The following NRG1 variants were observed in gnomAD, a reference collection of about 807,000 sequenced individuals.
The protein encoded by NRG1 is neuregulin 1, also known as pro-neuregulin-1, membrane-bound isoform.
NRG1 carries 18 observed loss-of-function variants against 63.8 expected under a neutral mutation model. The observed-to-expected ratio is 0.28, with a 90% confidence interval of 0.19 to 0.42. NRG1 has a LOEUF of 0.42. Among genes scored for constraint, NRG1 ranks in the 10% least tolerant of loss-of-function variants. The pLI is 1.00. For missense variants in NRG1, 762 were observed against 814.7 expected, an observed-to-expected ratio of 0.94 and a Z score of 0.79; for synonymous variants, 302 against 301.3, an observed-to-expected ratio of 1.00 and a Z score of -0.02.
chr8:32,368,311 G>A (rs1808353726), intron 1 of NRG1, among the ~76,000 whole-genome samples: 1 of 152,170 alleles, frequency 6.6e-6, no homozygotes, highest in African/African-American at 2.4e-5. Flanking sequence ...GCTCATGCCT[G>A]TAATCCCATT....
chr8:31,995,583 C>G (rs1015624230), intron 1 of NRG1, among the ~76,000 whole-genome samples: 1 of 151,916 alleles, frequency 6.6e-6, no homozygotes, highest in Non-Finnish European at 1.5e-5. Context: ...TAGAGACTGT[C>G]TCTGAAAGTG....
intron 11 of NRG1, among the ~76,000 whole-genome samples, chr8:32,763,063 G>A (rs1831005188): frequency 6.6e-6 from 1 of 152,122 alleles, no homozygotes; most frequent in Non-Finnish European, 1.5e-5. Context: ...GTTCTCTCAG[G>A]CTTACCTTTG....
rs997840292 is a variant in NRG1, at chr8:32,510,119, A to C, written c.38-85709A>C. Among the ~76,000 whole-genome samples the C allele has an allele frequency of 4.9e-3, 526 of 106,738 alleles. 8 individuals are homozygous for C. The highest frequency in any genetic ancestry group is 2.8e-3 in the African/African-American group (91 of 32,620). The allele number at this position is 106,738 out of a possible 152,430, so 70.0% of individuals were successfully genotyped here. A position where few individuals can be genotyped will look rare whatever the true frequency, so the allele number is the denominator to read the frequency against. On this transcript the variant is annotated intron_variant, in intron 1 of 10. Coordinates refer to the NRG1 transcript ENST00000519301. Reference sequence around the variant, plus strand: ...CAAAAATAATAATAATAATAATAATAATAATAATCATAAAAGCAAGGGAGG... The same window carrying C: ...CAAAAATAATAATAATAATAATAATCATAATAATCATAAAAGCAAGGGAGG...
intron 1 of NRG1, among the ~76,000 whole-genome samples, chr8:32,163,670 T>G (rs1481742): frequency 0.8 from 121,905 of 152,094 alleles, 49,215 homozygotes; most frequent in Admixed American, 0.87. Context: ...GTCTTCAATT[T>G]ATGCCTAAAG....
intron 1 of NRG1, chr8:32,256,714 T>A (rs1849764265): frequency 6.6e-6 from 1 of 152,442 alleles, no homozygotes; most frequent in Admixed American, 6.5e-5. Context: ...GTGTGAGGTG[T>A]CTGTCAACCC....
At chr8:32,288,986 C>T (rs192432639) in intron 1 of NRG1, among the ~76,000 whole-genome samples, 6 of 152,238 alleles carry the variant, frequency 3.9e-5, no homozygotes, top group Admixed American at 2.0e-4. Context: ...AATATAACCA[C>T]GCAAACTGGC....
At chr8:32,592,823 G>T (rs1450997525) in intron 1 of NRG1, among the ~76,000 whole-genome samples, 1 of 152,100 alleles carries the variant, frequency 6.6e-6, no homozygotes, top group Non-Finnish European at 1.5e-5. Context: ...CATTAGGGGT[G>T]CCAATCCCCT....
intron 1 of NRG1, among the ~76,000 whole-genome samples, chr8:31,916,432 C>T (rs1833394174): frequency 6.6e-6 from 1 of 152,076 alleles, no homozygotes; most frequent in South Asian, 2.1e-4. Context: ...TCAATTCCCA[C>T]CTATGAGTGA....
At chr8:32,446,664 A>AG (rs1194134703) in intron 1 of NRG1, among the ~76,000 whole-genome samples, 11 of 151,432 alleles carry the variant, frequency 7.3e-5, no homozygotes, top group Non-Finnish European at 1.6e-4. Flanking sequence ...CAAAAACAAA[A>AG]AAAAAAGGAA....
At chr8:31,651,056 C>T (rs764276539) in intron 1 of NRG1, among the ~76,000 whole-genome samples, 2 of 152,192 alleles carry the variant, frequency 1.3e-5, no homozygotes, top group Non-Finnish European at 2.9e-5. Flanking sequence ...TTCTCTTCCT[C>T]TCCTCTTATT....
At chr8:32,412,399 C>CCT (rs36067415) in intron 1 of NRG1, among the ~76,000 whole-genome samples, 8,879 of 90,826 alleles carry the variant, frequency 0.098, 476 homozygotes, top group African/African-American at 0.16. Flanking sequence ...CTCTCTCTCT[C>CCT]CTCTCTCTCT....
At position 32,443,036 on chromosome 8, in the gene NRG1, GCC is replaced by G. The variant is rs1487043765; in HGVS notation, c.38-152791_38-152790del. Among the ~76,000 whole-genome samples the G allele has an allele frequency of 5.9e-5, 9 of 152,006 alleles. No individual in the cohort carries two copies. In the East Asian group the frequency reaches 1.7e-3, roughly 30 times the overall value. ...TGCAATCTTGACCCCCTGGGCTCAAGCCATCCTTCCATCTTAGCCTCCCAAGT... is the reference window on the plus strand; with the variant it reads ...TGCAATCTTGACCCCCTGGGCTCAAGATCCTTCCATCTTAGCCTCCCAAGT... On this transcript the variant is annotated intron_variant, in intron 1 of 10. Transcript: ENST00000519301.
At chr8:32,290,853 T>C (rs1372875163) in intron 1 of NRG1, among the ~76,000 whole-genome samples, 1 of 152,208 alleles carries the variant, frequency 6.6e-6, no homozygotes, top group African/African-American at 2.4e-5. Flanking sequence ...TCTGGCTTTA[T>C]AGTGACAACA....
intron 1 of NRG1, among the ~76,000 whole-genome samples, chr8:31,773,119 T>C (rs1050477935): frequency 1.3e-5 from 2 of 152,192 alleles, no homozygotes; most frequent in Non-Finnish European, 2.9e-5. Flanking sequence ...TTGTGGAACC[T>C]ATTTTTATAG....
chr8:32,714,557 C>T (rs979206481), intron 5 of NRG1, among the ~76,000 whole-genome samples: 1 of 152,130 alleles, frequency 6.6e-6, no homozygotes, highest in Non-Finnish European at 1.5e-5. Flanking sequence ...TGGACACTTT[C>T]CTGGCTGTAG....
At chr8:31,777,221 C>T (rs1294258757) in intron 1 of NRG1, among the ~76,000 whole-genome samples, 1 of 152,190 alleles carries the variant, frequency 6.6e-6, no homozygotes, top group South Asian at 2.1e-4. Context: ...GAGCAGCATA[C>T]CTGTAATACA....
chr8:31,886,120 C>T (rs778564910), intron 1 of NRG1, among the ~76,000 whole-genome samples: 26 of 152,094 alleles, frequency 1.7e-4, no homozygotes, highest in Non-Finnish European at 3.4e-4. Flanking sequence ...TTAATCCCTT[C>T]TATTTGTCAG....
At chr8:32,419,897 T>G (rs528980412) in intron 1 of NRG1, among the ~76,000 whole-genome samples, 16 of 152,304 alleles carry the variant, frequency 1.1e-4, no homozygotes, top group Middle Eastern at 3.4e-3. Context: ...GGGTAATTGC[T>G]CATTGTCCCT....
chr8:32,182,572 C>G (rs1010182296), intron 1 of NRG1, among the ~76,000 whole-genome samples: 3 of 152,116 alleles, frequency 2.0e-5, no homozygotes, highest in African/African-American at 7.2e-5. Context: ...TCAGTAGGCC[C>G]AAAGGAAGTC....
Sources: allele counts gnomAD v4.1 joint callset (sites outside exome capture counted in the v4.1 genomes callset), GRCh38; gene constraint gnomAD v4.1.1; transcripts MANE v1.5; gene names NCBI Gene and HGNC (gene_info 2026-07-23, HGNC 2026-07-21).